DOCK8: variants seen among roughly 807,000 people sequenced by gnomAD.
The protein encoded by DOCK8 is dedicator of cytokinesis protein 8.
A neutral mutation model predicts 245.6 loss-of-function variants in DOCK8; 141 were observed. The ratio of observed to expected loss-of-function variants is 0.57; its 90% CI spans 0.50 to 0.66. DOCK8 has a LOEUF of 0.66. DOCK8 is among the 30% of genes least tolerant of loss of function. DOCK8 has a pLI of 0.00. For missense variants in DOCK8, 2,965 were observed against 2,603.4 expected (o/e 1.14, Z -3.02); for synonymous variants, 1,168 against 970.2 (o/e 1.20, Z -3.79).
chr9:347,595 G>A (rs1308152299), intron 14 of DOCK8, among the ~76,000 whole-genome samples: 2 of 152,206 alleles, frequency 1.3e-5, no homozygotes, highest in Non-Finnish European at 2.9e-5. Flanking sequence ...AGTCGCTTAT[G>A]GAACAGAAGC....
intron 14 of DOCK8, among the ~76,000 whole-genome samples, chr9:348,867 C>A (rs949317695): frequency 6.6e-6 from 1 of 152,186 alleles, no homozygotes; most frequent in African/African-American, 2.4e-5. Flanking sequence ...TCAGTTCTGA[C>A]CTCCTCATGT....
In DOCK8 at chr9:339,061, GATC is replaced by G. The variant is rs1260879497; in HGVS notation, c.1485_1487del (p.Ser496del). ...TTCAAGTTTTTAGCTGACTACAAAA[GATC>G]ATCATCCTTACAGAGACGAGTCAAG... On this transcript the variant is annotated inframe_deletion, in exon 13 of 48. Transcript: ENST00000432829. 10 of 1,614,004 alleles carry G rather than the reference GATC, an allele frequency of 6.2e-6. No homozygotes were observed. The African/African-American group carries it at 1.3e-4, about 22-fold the overall frequency.
At chr9:421,268 T>A (rs904599643) in intron 32 of DOCK8, among the ~76,000 whole-genome samples, 190 bp downstream of exon 32, 4 of 152,228 alleles carry the variant, frequency 2.6e-5, no homozygotes, top group Admixed American at 6.5e-5. Flanking sequence ...GAAAGCGCTG[T>A]TCTACAATTG....
At chr9:407,201 T>A in intron 28 of DOCK8, 132 bp downstream of exon 28, 3 of 1,386,082 alleles carry the variant, frequency 2.2e-6, no homozygotes, top group Middle Eastern at 2.0e-4. Flanking sequence ...AGTAGAAACA[T>A]CTGTCTTGAG....
At chr9:364,089 AG>A (rs977164466) in intron 14 of DOCK8, among the ~76,000 whole-genome samples, 2 of 152,232 alleles carry the variant, frequency 1.3e-5, no homozygotes, top group African/African-American at 4.8e-5. Flanking sequence ...TTCTTCCAAA[AG>A]TATCTGCACT....
At position 386,321 on chromosome 9, in the gene DOCK8, T is replaced by G. The variant is rs2053947964; in HGVS notation, c.2779-10T>G. 1 of 1,612,422 alleles carries G rather than the reference T, an allele frequency of 6.2e-7. No individual in the cohort carries two copies. Among genetic ancestry groups the G allele is most frequent in the Non-Finnish European group, 8.5e-7 (1 of 1,178,658 alleles). ...TGGTTGACTGTTAAGCCATGGTTTGTGTATTTTAGATCGCCGATCGCAACT... is the reference window on the plus strand; with the variant it reads ...TGGTTGACTGTTAAGCCATGGTTTGGGTATTTTAGATCGCCGATCGCAACT... On this transcript the variant is annotated splice_polypyrimidine_tract_variant and intron_variant, in intron 22 of 47. Transcript: ENST00000432829.
chr9:328,941 CTTTTTTTT>C (rs1165346763), intron 9 of DOCK8, among the ~76,000 whole-genome samples: 9 of 71,348 alleles, frequency 1.3e-4, no homozygotes, highest in Non-Finnish European at 1.6e-4. Context: ...CTTATTGATT[CTTTTTTTT>C]TTTTTTTTTT....
At chr9:399,473 G>A (rs535227418) in intron 26 of DOCK8, among the ~76,000 whole-genome samples, 3 of 151,940 alleles carry the variant, frequency 2.0e-5, no homozygotes, top group Admixed American at 6.5e-5. Flanking sequence ...TACCGACAGT[G>A]TAGAAGGGTC....
chr9:389,735 G>T (rs572451805), intron 23 of DOCK8, among the ~76,000 whole-genome samples: 123 of 152,262 alleles, frequency 8.1e-4, no homozygotes, highest in African/African-American at 2.9e-3. Flanking sequence ...ATACACAGAG[G>T]CCGGGCGTAG....
At chr9:270,325 T>G (rs1350634642) in intron 1 of DOCK8, among the ~76,000 whole-genome samples, 1 of 152,154 alleles carries the variant, frequency 6.6e-6, no homozygotes, top group Non-Finnish European at 1.5e-5. Flanking sequence ...CTTCCAATCT[T>G]CTCTCCATTT....
At chr9:257,882 C>T (rs1006382342) in intron 1 of DOCK8, among the ~76,000 whole-genome samples, 3 of 152,180 alleles carry the variant, frequency 2.0e-5, no homozygotes, top group East Asian at 3.8e-4. Flanking sequence ...GTAGGTCTGG[C>T]GGAGGCCTGA....
chr9:355,802 G>T (rs947649191), intron 14 of DOCK8, among the ~76,000 whole-genome samples: 2 of 151,354 alleles, frequency 1.3e-5, no homozygotes, highest in East Asian at 1.9e-4. Flanking sequence ...ACTCCCAACC[G>T]CACACTCACC....
chr9:370,746 G>C (rs536153770), intron 16 of DOCK8, among the ~76,000 whole-genome samples: 2 of 152,126 alleles, frequency 1.3e-5, no homozygotes, highest in African/African-American at 2.4e-5. Flanking sequence ...CCGGCAAATG[G>C]AGTCATGGGA....
chr9:325,678 A>G lies in DOCK8; in HGVS notation c.835A>G (p.Ile279Val), dbSNP rs757116203. 20 of 1,613,834 alleles carry G rather than the reference A, an allele frequency of 1.2e-5. No homozygotes were observed. The highest frequency in any genetic ancestry group is 1.7e-5 in the Non-Finnish European group (20 of 1,179,836). ...LVKLLTLKFE[I>V]EIEPLFASIA... ...CCTCTCTTTCTATGGTAGGTTCGAG[A>G]TTGAAATTGAGCCCCTGTTTGCCAG... is the stretch of plus-strand genomic sequence containing the variant. The change falls in exon 8 of 48, where the codon ATT becomes GTT. Residue 279 changes from isoleucine to valine, a missense_variant. Coordinates refer to ENST00000432829, the MANE Select transcript of DOCK8 (RefSeq NM_203447.4).
intron 32 of DOCK8, 123 bp from the exon 33 acceptor site, chr9:421,925 A>G (rs2056295392): frequency 1.2e-6 from 1 of 861,618 alleles, no homozygotes. Context: ...AGCAACCTGC[A>G]TGGACTCTAA....
chr9:284,265 C>G (rs1322361157), intron 2 of DOCK8: 1 of 152,298 alleles, frequency 6.6e-6, no homozygotes, highest in Non-Finnish European at 1.5e-5. Context: ...GTTGTTTCCT[C>G]TGGCAGAGTT....
intron 41 of DOCK8, 34 bp from the exon 42 acceptor site, chr9:441,841 A>AACT: frequency 1.9e-6 from 3 of 1,613,992 alleles, no homozygotes; most frequent in Middle Eastern, 1.7e-4. Flanking sequence ...AGGATGACAT[A>AACT]ACTAAGGAGA....
At chr9:215,368 C>G in intron 1 of DOCK8, 1 of 1,591,670 alleles carries the variant, frequency 6.3e-7, no homozygotes, top group Non-Finnish European at 8.5e-7. Flanking sequence ...CCTGGGTAAC[C>G]GTGTTGGGCG....
chr9:463,494 C>T (rs1307757557), intron 46 of DOCK8, 23 bp from the exon 47 acceptor site: 2 of 1,613,784 alleles, frequency 1.2e-6, no homozygotes, highest in Non-Finnish European at 1.7e-6. Context: ...TTTATTTCTC[C>T]CACACTGATA....
Sources: allele counts gnomAD v4.1 joint callset (sites outside exome capture counted in the v4.1 genomes callset), GRCh38; gene constraint gnomAD v4.1.1; transcripts MANE v1.5; gene names NCBI Gene and HGNC (gene_info 2026-07-23, HGNC 2026-07-21).